The following ANKFN1 variants were observed in gnomAD, a reference collection of about 807,000 sequenced individuals.
ANKFN1 encodes the protein ankyrin repeat and fibronectin type-III domain-containing protein 1.
Under a neutral mutation model 108.7 loss-of-function variants are expected in ANKFN1, and 74 were observed. The observed-to-expected ratio is 0.68, with a 90% CI of 0.56 to 0.83. The LOEUF is 0.83. Among genes scored for constraint, ANKFN1 ranks in the 40% least tolerant of loss-of-function variants. The probability of loss-of-function intolerance (pLI) is 0.00; values close to 1 mark genes in which losing one functional copy is unlikely to be tolerated. For missense variants in ANKFN1, 1,505 were observed against 1,382.3 expected, an observed-to-expected ratio of 1.09 and a Z score of -1.41; for synonymous variants, 547 against 516.2, an observed-to-expected ratio of 1.06 and a Z score of -0.81.
chr17:56,390,414 A>C (rs769017842), intron 8 of ANKFN1, among the ~76,000 whole-genome samples: 1 of 152,162 alleles, frequency 6.6e-6, no homozygotes, highest in African/African-American at 2.4e-5. Flanking sequence ...TCCATGGTGT[A>C]TATGTGCCAC....
intron 3 of ANKFN1, among the ~76,000 whole-genome samples, chr17:56,281,758 A>G (rs72833832): frequency 1.6e-3 from 243 of 152,320 alleles, no homozygotes; most frequent in South Asian, 6.8e-3. Context: ...AATTCATTAG[A>G]CATCAAGGAA....
At chr17:56,246,410 A>G (rs1417812075) in intron 3 of ANKFN1, among the ~76,000 whole-genome samples, 1 of 152,196 alleles carries the variant, frequency 6.6e-6, no homozygotes, top group Non-Finnish European at 1.5e-5. Context: ...AGTCCCTAAC[A>G]GATACATTAT....
chr17:56,197,929 G>T (rs1250044433), intron 1 of ANKFN1, among the ~76,000 whole-genome samples: 1 of 152,134 alleles, frequency 6.6e-6, no homozygotes, highest in Non-Finnish European at 1.5e-5. Flanking sequence ...AAGAGTGGTC[G>T]AGCCCAAGAG....
At chr17:56,369,302 T>C (rs1377589823) in intron 6 of ANKFN1, among the ~76,000 whole-genome samples, 1 of 152,136 alleles carries the variant, frequency 6.6e-6, no homozygotes, top group Non-Finnish European at 1.5e-5. Context: ...ATAAAAATAA[T>C]GTCATAGATA....
At chr17:56,087,826 T>C (rs9903531) in intron 4 of ANKFN1, among the ~76,000 whole-genome samples, 7,069 of 151,418 alleles carry the variant, frequency 0.047, 725 homozygotes, top group African/African-American at 0.16. Flanking sequence ...GGCACTGCAA[T>C]GTCAGGGTTA....
At chr17:56,098,366 G>A (rs1905571929) in intron 4 of ANKFN1, among the ~76,000 whole-genome samples, 2 of 151,992 alleles carry the variant, frequency 1.3e-5, no homozygotes, top group African/African-American at 2.4e-5. Flanking sequence ...TCAGGGAGAT[G>A]TCTTTTGACA....
chr17:56,440,228 A>G, intron 8 of ANKFN1, 99 bp from the exon 9 acceptor site: 2 of 567,120 alleles, frequency 3.5e-6, no homozygotes, highest in Non-Finnish European at 6.1e-6. Context: ...ACTCTTTCTG[A>G]GAGGGATTGT....
chr17:56,483,966 A>T (rs921309509), intron 18 of ANKFN1, among the ~76,000 whole-genome samples: 2 of 152,230 alleles, frequency 1.3e-5, no homozygotes, highest in Non-Finnish European at 2.9e-5. Flanking sequence ...GGAAGTGTTA[A>T]TATTGAAAAA....
At chr17:56,274,971 T>C (rs998547238) in intron 3 of ANKFN1, among the ~76,000 whole-genome samples, 1 of 152,210 alleles carries the variant, frequency 6.6e-6, no homozygotes, top group East Asian at 1.9e-4. Context: ...ATGGACTGAA[T>C]AACGGTCCCT....
chr17:56,193,080 T>G (rs1301956520), intron 1 of ANKFN1, among the ~76,000 whole-genome samples: 2 of 90,104 alleles, frequency 2.2e-5, no homozygotes, highest in African/African-American at 6.1e-5. Context: ...CCATAAAAAA[T>G]GATGAGTTCA....
intron 8 of ANKFN1, among the ~76,000 whole-genome samples, chr17:56,423,927 T>G (rs1567990654): frequency 1.3e-5 from 2 of 152,318 alleles, no homozygotes; most frequent in East Asian, 3.9e-4. Context: ...CAGGAATGTA[T>G]TGGCTTTATA....
chr17:56,307,555 G>A (rs867768956), intron 3 of ANKFN1, among the ~76,000 whole-genome samples: 3,450 of 152,198 alleles, frequency 0.023, 133 homozygotes, highest in African/African-American at 0.076. Context: ...TTAGAATGGC[G>A]ATCATTAAAA....
intron 4 of ANKFN1, among the ~76,000 whole-genome samples, chr17:56,070,837 C>T (rs576913664): frequency 5.0e-4 from 76 of 151,870 alleles, no homozygotes; most frequent in African/African-American, 1.7e-3. Flanking sequence ...CGTGTTCAAG[C>T]GATTCTCCTG....
intron 15 of ANKFN1, among the ~76,000 whole-genome samples, chr17:56,469,349 A>G (rs1209803182): frequency 6.6e-6 from 1 of 151,826 alleles, no homozygotes; most frequent in East Asian, 1.9e-4. Context: ...TAGACTTAAG[A>G]TTTAATTATA....
chr17:56,475,676 A>G (rs1230450376), intron 15 of ANKFN1, among the ~76,000 whole-genome samples: 3 of 152,170 alleles, frequency 2.0e-5, no homozygotes, highest in East Asian at 1.9e-4. Context: ...ATGTTTTGAT[A>G]TATGTATACA....
chr17:56,095,599 G>A (rs545643654), intron 4 of ANKFN1, among the ~76,000 whole-genome samples: 1 of 152,174 alleles, frequency 6.6e-6, no homozygotes, highest in Admixed American at 6.5e-5. Flanking sequence ...ATCACATCTG[G>A]TCTGAATGCT....
chr17:56,083,819 A>T (rs146839075), intron 4 of ANKFN1, among the ~76,000 whole-genome samples: 1 of 151,576 alleles, frequency 6.6e-6, no homozygotes, highest in African/African-American at 2.4e-5. Flanking sequence ...TGTTTGTGGA[A>T]GTCACTTTTG....
intron 1 of ANKFN1, among the ~76,000 whole-genome samples, chr17:56,165,192 A>G (rs1051159746): frequency 6.6e-6 from 1 of 152,170 alleles, no homozygotes; most frequent in Non-Finnish European, 1.5e-5. Flanking sequence ...CCAAATGCAG[A>G]TTCCTTTAGG....
intron 3 of ANKFN1, among the ~76,000 whole-genome samples, chr17:56,262,882 A>G (rs1036943113): frequency 6.6e-6 from 1 of 152,204 alleles, no homozygotes; most frequent in African/African-American, 2.4e-5. Context: ...GGAAGAAAGA[A>G]GACTTTTCCC....
Sources: gnomAD v4.1 joint callset for allele counts (sites outside exome capture counted in the v4.1 genomes callset) on GRCh38, gnomAD v4.1.1 for gene constraint, MANE v1.5 for transcripts, NCBI Gene and HGNC (gene_info 2026-07-23, HGNC 2026-07-21) for gene names.